The following MREG variants were observed in gnomAD, a reference collection of about 807,000 sequenced individuals.
MREG encodes the protein dilute suppressor protein homolog.
In MREG, 31 loss-of-function variants were observed where a neutral mutation model predicts 28.5. The ratio of observed to expected loss-of-function variants is 1.09; its 90% confidence interval spans 0.82 to 1.47. The LOEUF (loss-of-function observed/expected upper bound fraction) is 1.47, where lower values mean the gene tolerates loss of function less well. Among genes scored for constraint, MREG ranks in the 40% most tolerant of loss-of-function variants. MREG has a pLI of 0.00. For missense variants in MREG, 256 were observed against 257.4 expected (o/e 0.99, Z 0.04); for synonymous variants, 106 against 95.2 (o/e 1.11, Z -0.66).
At chr2:216,031,351 G>A (rs1385306087) in intron 1 of MREG, among the ~76,000 whole-genome samples, 1 of 151,810 alleles carries the variant, frequency 6.6e-6, no homozygotes, top group Non-Finnish European at 1.5e-5. Context: ...AGGTTGCAGT[G>A]AGCTGAGATT....
At chr2:215,948,639 T>C (rs189672629) in intron 2 of MREG, among the ~76,000 whole-genome samples, 1 of 152,346 alleles carries the variant, frequency 6.6e-6, no homozygotes, top group Admixed American at 6.5e-5. Flanking sequence ...TTATTATACT[T>C]ACTTGGCCAC....
At chr2:216,014,407 T>C (rs1194393461), upstream of MREG, among the ~76,000 whole-genome samples, 5 of 152,034 alleles carry the variant, frequency 3.3e-5, no homozygotes, top group African/African-American at 1.2e-4. Flanking sequence ...TCCCAGCAAG[T>C]TGGGAGGCCG....
chr2:215,974,850 ACACTCT>A (rs1247623695), intron 2 of MREG, among the ~76,000 whole-genome samples: 35 of 133,022 alleles, frequency 2.6e-4, no homozygotes, highest in South Asian at 4.9e-4. Flanking sequence ...ACACACACAC[ACACTCT>A]CTCTCTCTCT....
intron 1 of MREG, among the ~76,000 whole-genome samples, chr2:216,022,212 C>T (rs895474789): frequency 6.6e-6 from 1 of 152,168 alleles, no homozygotes; most frequent in Non-Finnish European, 1.5e-5. Context: ...GATAGTGCCA[C>T]TGTGTTCCAG....
At chr2:215,970,128 A>T (rs1413180454) in intron 2 of MREG, among the ~76,000 whole-genome samples, 1 of 152,214 alleles carries the variant, frequency 6.6e-6, no homozygotes, top group African/African-American at 2.4e-5. Context: ...TTACAGAAGT[A>T]ATCGAGTTAA....
intron 1 of MREG, among the ~76,000 whole-genome samples, chr2:216,019,143 A>G (rs763273289): frequency 1.3e-5 from 2 of 152,206 alleles, no homozygotes; most frequent in Non-Finnish European, 2.9e-5. Flanking sequence ...TAGTACTCCC[A>G]TCATTCTATG....
At chr2:215,975,026 A>ATATATATATATATG (rs1268461887) in intron 2 of MREG, among the ~76,000 whole-genome samples, 113 of 145,698 alleles carry the variant, frequency 7.8e-4, no homozygotes, top group African/African-American at 2.6e-3. Flanking sequence ...ATATATATAT[A>ATATATATATATATG]TGAAATAATA....
intron 2 of MREG, among the ~76,000 whole-genome samples, chr2:215,962,646 C>T (rs901485430): frequency 7.2e-5 from 11 of 152,116 alleles, no homozygotes; most frequent in Admixed American, 2.6e-4. Flanking sequence ...TCTTCAAAGT[C>T]GTGACCCAAA....
At chr2:216,005,516 G>A (rs1156998981) in intron 1 of MREG, among the ~76,000 whole-genome samples, 1 of 132,100 alleles carries the variant, frequency 7.6e-6, no homozygotes, top group Non-Finnish European at 1.5e-5. Flanking sequence ...CAGTGGCACA[G>A]TCTTGGCTCA....
upstream of MREG, chr2:216,033,101 T>C (rs1694735408): frequency 6.6e-6 from 1 of 152,218 alleles, no homozygotes; most frequent in Non-Finnish European, 1.5e-5. Flanking sequence ...TTACCCAAGA[T>C]TGAGAGACTA....
At chr2:215,987,208 T>C (rs574267424) in intron 2 of MREG, among the ~76,000 whole-genome samples, 2 of 151,982 alleles carry the variant, frequency 1.3e-5, no homozygotes, top group South Asian at 4.2e-4. Context: ...ATCCAATCTG[T>C]AGGGAAAATG....
chr2:215,969,812 T>TG (rs1693040333), intron 2 of MREG, among the ~76,000 whole-genome samples: 1 of 150,052 alleles, frequency 6.7e-6, no homozygotes, highest in Admixed American at 6.7e-5. Context: ...CATGGAGGGG[T>TG]GGGGGGCAGT....
At chr2:215,952,034 T>C (rs914576088) in intron 2 of MREG, among the ~76,000 whole-genome samples, 4 of 152,252 alleles carry the variant, frequency 2.6e-5, no homozygotes, top group Non-Finnish European at 4.4e-5. Context: ...CTCTCTGCGC[T>C]TGGCTTATTG....
intron 2 of MREG, among the ~76,000 whole-genome samples, chr2:215,995,276 C>A (rs1319464905): frequency 6.6e-6 from 1 of 152,174 alleles, no homozygotes; most frequent in South Asian, 2.1e-4. Context: ...CTTCCCCAGG[C>A]CTCAAGAGCA....
intron 1 of MREG, among the ~76,000 whole-genome samples, chr2:216,020,623 T>C (rs1052844891): frequency 2.0e-5 from 3 of 152,232 alleles, no homozygotes; most frequent in Admixed American, 6.5e-5. Flanking sequence ...GGGAAAGTTG[T>C]CATTTCCAAA....
At chr2:216,003,233 C>G (rs1694064106) in intron 1 of MREG, among the ~76,000 whole-genome samples, 1 of 152,124 alleles carries the variant, frequency 6.6e-6, no homozygotes, top group Admixed American at 6.6e-5. Flanking sequence ...ATGTGACCTG[C>G]CTCAGTGTGA....
rs75493884 is a variant in MREG at position 215,996,221 on chromosome 2, T to G, written c.255+85A>C. ...AACATTTCATCCTTCATTCTTTTTG[T>G]TATTTCAAGGGGATCTTCTCAGGAA... On this transcript the variant is annotated intron_variant, in intron 2 of 4. Coordinates refer to ENST00000263268, the MANE Select transcript of MREG (RefSeq NM_018000.3). The G allele has an allele frequency of 1.4e-3, 1,876 of 1,338,118 alleles. 27 individuals carry two copies. In the African/African-American group the frequency reaches 0.025, roughly 18 times the overall value. 82.9% of individuals were successfully genotyped at this position (1,338,118 alleles called of 1,614,324 possible).
intron 1 of MREG, among the ~76,000 whole-genome samples, chr2:216,031,665 A>AAGAAAGAG (rs1553558863): frequency 1.2e-5 from 1 of 84,862 alleles, no homozygotes. Context: ...GAAAGAAAGA[A>AAGAAAGAG]AGAAAGAAAG....
Position 215,968,034 on chromosome 2 carries a change from T to G in MREG, c.256-20921A>C, listed in dbSNP as rs113446989. Among the ~76,000 whole-genome samples, 351 of 152,308 alleles carry G rather than the reference T, an allele frequency of 2.3e-3. 4 individuals carry two copies. Among genetic ancestry groups the G allele is most frequent in the African/African-American group, 8.2e-3 (339 of 41,576 alleles). The stretch of plus-strand genomic sequence containing the variant: ...ATCCAATATTTAATGTTTTGGGGGT[T>G]AAAAGCTACATCACCTCTTCACAGC... On this transcript the variant is annotated intron_variant, in intron 2 of 4. Transcript: ENST00000263268.
Sources: gnomAD v4.1 joint callset for allele counts (sites outside exome capture counted in the v4.1 genomes callset) on GRCh38, gnomAD v4.1.1 for gene constraint, MANE v1.5 for transcripts, NCBI Gene and HGNC (gene_info 2026-07-23, HGNC 2026-07-21) for gene names.